DLG2: variants seen among roughly 807,000 people sequenced by gnomAD.
DLG2 encodes disks large homolog 2.
In DLG2, 45 loss-of-function variants were observed where a neutral mutation model predicts 132.5. The observed-to-expected ratio is 0.34, with a 90% CI of 0.27 to 0.44. The LOEUF is 0.44. Ranked by LOEUF, DLG2 falls within the 20% of genes least tolerant of loss-of-function variation. The pLI is 1.00. For synonymous variants in DLG2, 424 were observed against 419.6 expected (o/e 1.01, Z -0.13); for missense variants, 1,045 against 1,196.9 (o/e 0.87, Z 1.87).
chr11:83,880,812 A>G (rs1280028735), intron 15 of DLG2, among the ~76,000 whole-genome samples: 2 of 152,326 alleles, frequency 1.3e-5, no homozygotes, highest in African/African-American at 4.8e-5. Flanking sequence ...ATCTATAATT[A>G]TTAAAAAGTT....
chr11:84,368,579 C>T (rs892500418), intron 7 of DLG2, among the ~76,000 whole-genome samples: 1 of 151,996 alleles, frequency 6.6e-6, no homozygotes, highest in Non-Finnish European at 1.5e-5. Flanking sequence ...AACATGTGGT[C>T]TAAGTTAGAT....
chr11:83,861,043 A>G (rs983948265), intron 16 of DLG2, among the ~76,000 whole-genome samples: 1 of 152,174 alleles, frequency 6.6e-6, no homozygotes, highest in South Asian at 2.1e-4. Context: ...GTATGTCTTT[A>G]TCAGCAGTGT....
At chr11:85,402,371 C>T (rs2088226346) in intron 3 of DLG2, among the ~76,000 whole-genome samples, 1 of 152,082 alleles carries the variant, frequency 6.6e-6, no homozygotes, top group African/African-American at 2.4e-5. Context: ...AATGTAAGAC[C>T]TAACACCATA....
intron 8 of DLG2, among the ~76,000 whole-genome samples, chr11:84,199,505 A>G (rs2096564769): frequency 6.6e-6 from 1 of 152,170 alleles, no homozygotes. Flanking sequence ...CAAGTAGACA[A>G]AGATTTTTGA....
chr11:84,037,104 A>G (rs982947987), intron 11 of DLG2, among the ~76,000 whole-genome samples: 5 of 152,140 alleles, frequency 3.3e-5, no homozygotes, highest in African/African-American at 9.6e-5. Flanking sequence ...AGCAGCGAGG[A>G]GATCCATGTA....
intron 11 of DLG2, among the ~76,000 whole-genome samples, chr11:84,024,631 AT>A (rs1306103018): frequency 1.3e-5 from 2 of 152,300 alleles, no homozygotes; most frequent in East Asian, 3.9e-4. Context: ...GGAGAACATT[AT>A]GTTAAGCAAA....
intron 6 of DLG2, among the ~76,000 whole-genome samples, chr11:84,969,045 A>G (rs1390759122): frequency 2.0e-5 from 3 of 151,914 alleles, no homozygotes; most frequent in Non-Finnish European, 4.4e-5. Context: ...AGAAATCAAA[A>G]ACTCAAAGGA....
chr11:85,491,983 C>CT (rs1460839290), intron 3 of DLG2, among the ~76,000 whole-genome samples: 1 of 149,314 alleles, frequency 6.7e-6, no homozygotes, highest in Non-Finnish European at 1.5e-5. Flanking sequence ...CACAACCTGA[C>CT]TTTGAAATAT....
chr11:84,796,020 A>G (rs921574988), intron 6 of DLG2, among the ~76,000 whole-genome samples: 1 of 152,200 alleles, frequency 6.6e-6, no homozygotes, highest in Non-Finnish European at 1.5e-5. Context: ...ACCTGGCTCA[A>G]GTGCAGCCTG....
At chr11:83,745,092 T>C (rs983111570) in intron 18 of DLG2, among the ~76,000 whole-genome samples, 8 of 152,196 alleles carry the variant, frequency 5.3e-5, no homozygotes, top group African/African-American at 1.9e-4. Flanking sequence ...CTGACACTCA[T>C]GATTGGTTCC....
chr11:84,859,351 T>C (rs983220385), intron 6 of DLG2, among the ~76,000 whole-genome samples: 6 of 146,798 alleles, frequency 4.1e-5, no homozygotes, highest in East Asian at 2.0e-4. Context: ...ATGTAGATTT[T>C]ATAAACATAT....
At position 84,389,575 on chromosome 11, in the gene DLG2, T is replaced by C. The variant is rs181862013; in HGVS notation, c.520-138284A>G. On this transcript the variant is annotated intron_variant, in intron 7 of 27. Coordinates refer to ENST00000376104, the MANE Select transcript of DLG2 (RefSeq NM_001142699.3). ...TGATTTATATTCATAGCCTTTGCAT[T>C]TGAAGCATGACAATATCTTGTTTTC... Among the ~76,000 whole-genome samples, 54 of 152,270 alleles carry C rather than the reference T, an allele frequency of 3.5e-4. 1 individual carries two copies. Among genetic ancestry groups the C allele is most frequent in the Admixed American group, 3.3e-3 (50 of 15,278 alleles).
At chr11:83,704,192 T>C (rs946259800) in intron 18 of DLG2, among the ~76,000 whole-genome samples, 2 of 152,066 alleles carry the variant, frequency 1.3e-5, no homozygotes, top group Non-Finnish European at 2.9e-5. Context: ...TAAAAAAGAG[T>C]GCATCTGAAA....
chr11:84,153,548 A>G (rs1373244673), intron 9 of DLG2, among the ~76,000 whole-genome samples: 1 of 151,746 alleles, frequency 6.6e-6, no homozygotes, highest in African/African-American at 2.4e-5. Flanking sequence ...AAAAAAAAAT[A>G]TTTTTTCTTT....
At chr11:83,589,472 A>C (rs1261573065) in intron 19 of DLG2, among the ~76,000 whole-genome samples, 22 of 152,224 alleles carry the variant, frequency 1.4e-4, no homozygotes, top group African/African-American at 3.1e-4. Context: ...GCCTGCCCTA[A>C]AAGAGCTCCT....
In DLG2 at chr11:84,028,791, A is replaced by G. The variant is rs1447966127; in HGVS notation, c.919+30524T>C. ...GTTCAACCTTCCTTTTCTCCCAGGT[A>G]GCAATAACCTCTCCTTCTTTTATGT... On this transcript the variant is annotated intron_variant, in intron 11 of 27. Coordinates refer to ENST00000376104, the MANE Select transcript of DLG2 (RefSeq NM_001142699.3). Among the ~76,000 whole-genome samples, 4 of 152,202 alleles carry G rather than the reference A, an allele frequency of 2.6e-5. No individual in the cohort carries two copies. The South Asian group carries it at 8.3e-4, about 32-fold the overall frequency.
chr11:84,524,453 T>A (rs2099313972), intron 7 of DLG2, among the ~76,000 whole-genome samples: 1 of 152,232 alleles, frequency 6.6e-6, no homozygotes, highest in African/African-American at 2.4e-5. Context: ...ACATTCAGAA[T>A]GCGTCTGTCA....
At chr11:85,474,406 A>G (rs1449014097) in intron 3 of DLG2, among the ~76,000 whole-genome samples, 1 of 152,022 alleles carries the variant, frequency 6.6e-6, no homozygotes, top group Non-Finnish European at 1.5e-5. Context: ...AGAAAAAATT[A>G]ACAAGTTTCC....
At chr11:84,621,427 T>A (rs1237958183) in intron 6 of DLG2, among the ~76,000 whole-genome samples, 1 of 152,136 alleles carries the variant, frequency 6.6e-6, no homozygotes, top group Non-Finnish European at 1.5e-5. Flanking sequence ...GGAGAAGGAA[T>A]AGATGGATTT....
Sources: allele counts gnomAD v4.1 joint callset (sites outside exome capture counted in the v4.1 genomes callset), GRCh38; gene constraint gnomAD v4.1.1; transcripts MANE v1.5; gene names NCBI Gene and HGNC (gene_info 2026-07-23, HGNC 2026-07-21).